Variants in SNX13 observed in about 807,000 individuals in gnomAD.
The protein encoded by SNX13 is sorting nexin 13, also known as sorting nexin-13.
Under a neutral mutation model 133.6 loss-of-function variants are expected in SNX13, and 45 were observed. That is an observed-to-expected ratio of 0.34 (90% CI 0.27 to 0.43). The LOEUF is 0.43. Ranked by LOEUF, SNX13 falls within the 20% of genes least tolerant of loss-of-function variation. The pLI, the probability that SNX13 is intolerant of heterozygous loss-of-function variation, is 1.00. For synonymous variants in SNX13, 414 were observed against 373.9 expected (o/e 1.11, Z -1.24); for missense variants, 1,032 against 1,145.1 (o/e 0.90, Z 1.43).
intron 1 of SNX13, among the ~76,000 whole-genome samples, chr7:17,904,601 C>T (rs1798196828): frequency 6.6e-6 from 1 of 152,170 alleles, no homozygotes; most frequent in African/African-American, 2.4e-5. Flanking sequence ...TGAGATCAAT[C>T]TCACTAGAAT....
chr7:17,878,902 C>A (rs983876386), intron 5 of SNX13, among the ~76,000 whole-genome samples: 1 of 152,138 alleles, frequency 6.6e-6, no homozygotes, highest in African/African-American at 2.4e-5. Flanking sequence ...ATTCCCTCTA[C>A]CAAATTTGCT....
At chr7:17,830,807 C>T (rs765313433) in intron 15 of SNX13, 56 of 982,970 alleles carry the variant, frequency 5.7e-5, no homozygotes, top group Non-Finnish European at 6.6e-5. Flanking sequence ...TATTCATACA[C>T]AGTTTAATAT....
chr7:17,890,208 G>A (rs931982228), intron 5 of SNX13, 155 bp downstream of exon 5: 1 of 572,226 alleles, frequency 1.7e-6, no homozygotes, highest in African/African-American at 1.9e-5. Context: ...GGTTTTAAGA[G>A]CTCTAGTTGT....
chr7:17,935,740 T>G (rs1217148715), intron 1 of SNX13, among the ~76,000 whole-genome samples: 1 of 152,210 alleles, frequency 6.6e-6, no homozygotes, highest in African/African-American at 2.4e-5. Flanking sequence ...GATACTGATG[T>G]CCTTCCACTC....
At chr7:17,886,802 C>A (rs1185702855) in intron 5 of SNX13, among the ~76,000 whole-genome samples, 5 of 152,096 alleles carry the variant, frequency 3.3e-5, no homozygotes, top group African/African-American at 1.2e-4. Context: ...ATCCAAATAA[C>A]CCATTCTTGA....
chr7:17,838,085 T>A (rs1021382225), intron 13 of SNX13, among the ~76,000 whole-genome samples: 3 of 151,968 alleles, frequency 2.0e-5, no homozygotes, highest in Non-Finnish European at 4.4e-5. Flanking sequence ...AGAAAAACAT[T>A]TTTCTTGTCC....
intron 2 of SNX13, among the ~76,000 whole-genome samples, chr7:17,895,048 T>C (rs565320638): frequency 6.6e-6 from 1 of 152,338 alleles, no homozygotes; most frequent in East Asian, 1.9e-4. Flanking sequence ...TGGCCCTCTA[T>C]TTCAGTTTTA....
chr7:17,908,196 A>G (rs1278093245), intron 1 of SNX13, among the ~76,000 whole-genome samples: 1 of 152,188 alleles, frequency 6.6e-6, no homozygotes, highest in African/African-American at 2.4e-5. Context: ...TTTTCAGCCA[A>G]TTAGCTATCA....
At chr7:17,873,663 C>G (rs759510112) in intron 7 of SNX13, 47 bp from the exon 8 acceptor site, 1 of 1,154,252 alleles carries the variant, frequency 8.7e-7, no homozygotes, top group Non-Finnish European at 1.2e-6. Context: ...AATATAAAGT[C>G]TACACTTCCT....
At chr7:17,876,773 G>T (rs1479959071) in intron 5 of SNX13, among the ~76,000 whole-genome samples, 1 of 152,044 alleles carries the variant, frequency 6.6e-6, no homozygotes, top group African/African-American at 2.4e-5. Flanking sequence ...GTATACCAGT[G>T]TAACAGGTAA....
At chr7:17,815,073 A>C in intron 19 of SNX13, 129 bp from the exon 20 acceptor site, 10 of 1,025,448 alleles carry the variant, frequency 9.8e-6, no homozygotes, top group Non-Finnish European at 1.3e-5. Context: ...TATATTTTTA[A>C]AAACCCAATT....
chr7:17,926,093 C>A (rs904472554), intron 1 of SNX13, among the ~76,000 whole-genome samples: 1 of 151,610 alleles, frequency 6.6e-6, no homozygotes, highest in South Asian at 2.1e-4. Context: ...GCTATAATAA[C>A]AACAAAAATA....
At chr7:17,923,154 A>G (rs558676316) in intron 1 of SNX13, among the ~76,000 whole-genome samples, 55 of 152,302 alleles carry the variant, frequency 3.6e-4, no homozygotes, top group African/African-American at 1.3e-3. Flanking sequence ...AAAAGTCATA[A>G]GGCTGTCCCA....
intron 5 of SNX13, chr7:17,888,470 T>C (rs1189247161): frequency 1.4e-5 from 3 of 213,214 alleles, no homozygotes; most frequent in African/African-American, 7.1e-5. Flanking sequence ...ACCTAGATTA[T>C]AAAATATTTA....
chr7:17,872,315 G>C (rs1372349611), intron 8 of SNX13, among the ~76,000 whole-genome samples: 2 of 152,124 alleles, frequency 1.3e-5, no homozygotes, highest in Non-Finnish European at 1.5e-5. Flanking sequence ...AGAAAATAGA[G>C]TTTCAATAAG....
At chr7:17,908,325 T>C (rs1798606230) in intron 1 of SNX13, among the ~76,000 whole-genome samples, 1 of 152,172 alleles carries the variant, frequency 6.6e-6, no homozygotes, top group Non-Finnish European at 1.5e-5. Flanking sequence ...TGCTTCTCCC[T>C]GTATTCCATC....
At chr7:17,862,306 A>G (rs1792806301) in intron 9 of SNX13, among the ~76,000 whole-genome samples, 1 of 152,228 alleles carries the variant, frequency 6.6e-6, no homozygotes, top group Admixed American at 6.5e-5. Flanking sequence ...CATTTTCTGT[A>G]CTACTAAACA....
intron 11 of SNX13, among the ~76,000 whole-genome samples, chr7:17,850,138 T>C (rs1340828113): frequency 2.0e-5 from 3 of 152,234 alleles, no homozygotes; most frequent in Non-Finnish European, 4.4e-5. Flanking sequence ...TCAATTACTT[T>C]AACATTTTTC....
At position 17,893,418 on chromosome 7, in the gene SNX13, G is replaced by A. The variant is rs1409874543; in HGVS notation, c.142C>T (p.Leu48Phe). 3.8e-6 allele frequency: 6 copies of A among 1,559,580 alleles called. No individual in the cohort carries two copies. Among genetic ancestry groups the A allele is most frequent in the Non-Finnish European group, 5.2e-6 (6 of 1,150,414 alleles). The part of the protein sequence containing the change: ...CFVGGGLVVT[L>F]LFGKTNSEKY... Reference sequence around the variant, plus strand: ...TCTGAGTTTGTTTTTCCAAACAGGAGAGTAACCACTAAACCCCTAGAAAGA... The same window carrying A: ...TCTGAGTTTGTTTTTCCAAACAGGAAAGTAACCACTAAACCCCTAGAAAGA... The change falls in exon 3 of 26, where the codon CTC becomes TTC. Residue 48 changes from leucine (L) to phenylalanine (F), a missense_variant. Physicochemically the swap from Leu to Phe is conservative, Grantham distance 22. Transcript: ENST00000428135.
Sources: allele counts gnomAD v4.1 joint callset (sites outside exome capture counted in the v4.1 genomes callset), GRCh38; gene constraint gnomAD v4.1.1; transcripts MANE v1.5; gene names NCBI Gene and HGNC (gene_info 2026-07-23, HGNC 2026-07-21).